Variants in LPP observed in about 807,000 individuals in gnomAD.
LPP encodes the protein LIM domain containing preferred translocation partner in lipoma, also known as lipoma-preferred partner.
In LPP, 38 loss-of-function variants were observed where a neutral mutation model predicts 60.4. That is an observed-to-expected ratio of 0.63 (90% confidence interval 0.49 to 0.83). The LOEUF is 0.83. Among genes scored for constraint, LPP ranks in the 40% least tolerant of loss-of-function variants. The pLI is 0.00. For synonymous variants in LPP, 328 were observed against 290.8 expected, an observed-to-expected ratio of 1.13 and a Z score of -1.30; for missense variants, 902 against 783.6, an observed-to-expected ratio of 1.15 and a Z score of -1.80.
At chr3:188,639,166 T>A (rs1421816265) in intron 7 of LPP, among the ~76,000 whole-genome samples, 3 of 151,956 alleles carry the variant, frequency 2.0e-5, no homozygotes, top group Admixed American at 1.3e-4. Context: ...ACCAAAACAG[T>A]GATATAGATC....
chr3:188,815,805 G>A (rs1370469295), intron 9 of LPP, among the ~76,000 whole-genome samples: 2 of 152,058 alleles, frequency 1.3e-5, no homozygotes, highest in Non-Finnish European at 2.9e-5. Context: ...TGTTTCTTTG[G>A]CAACTGTTCA....
At chr3:188,324,290 C>T (rs1225470650) in intron 2 of LPP, among the ~76,000 whole-genome samples, 1 of 152,166 alleles carries the variant, frequency 6.6e-6, no homozygotes, top group East Asian at 1.9e-4. Context: ...TTTGCCACAT[C>T]TCTTGAATGT....
intron 7 of LPP, among the ~76,000 whole-genome samples, chr3:188,689,553 A>G (rs562531528): frequency 6.6e-6 from 1 of 152,292 alleles, no homozygotes; most frequent in East Asian, 1.9e-4. Flanking sequence ...GAGTGAGATC[A>G]TGCAATATTT....
intron 4 of LPP, among the ~76,000 whole-genome samples, chr3:188,422,076 G>A (rs1787959050): frequency 6.6e-6 from 1 of 152,142 alleles, no homozygotes; most frequent in Admixed American, 6.6e-5. Flanking sequence ...CATGGGGCTA[G>A]TACCAGCTTT....
chr3:188,276,576 G>A (rs1419486458), intron 2 of LPP, among the ~76,000 whole-genome samples: 2 of 152,044 alleles, frequency 1.3e-5, no homozygotes, highest in Non-Finnish European at 2.9e-5. Context: ...TGTTGGGGCG[G>A]ATCCCTCATG....
At chr3:188,798,872 T>A (rs1379088566) in intron 9 of LPP, among the ~76,000 whole-genome samples, 1 of 152,268 alleles carries the variant, frequency 6.6e-6, no homozygotes, top group Non-Finnish European at 1.5e-5. Context: ...CTTTATGAAC[T>A]CTGTCACTTG....
At chr3:188,164,905 G>A (rs1424733957) in intron 1 of LPP, among the ~76,000 whole-genome samples, 1 of 152,090 alleles carries the variant, frequency 6.6e-6, no homozygotes, top group Non-Finnish European at 1.5e-5. Context: ...CGATGGAAAC[G>A]TGAATGCAGT....
chr3:188,497,354 C>G (rs1407690305), intron 5 of LPP, among the ~76,000 whole-genome samples: 3 of 152,106 alleles, frequency 2.0e-5, no homozygotes, highest in Non-Finnish European at 2.9e-5. Context: ...ACATTCATAG[C>G]ATTTCTAAAC....
chr3:188,556,733 A>C (rs1829561044), intron 6 of LPP, among the ~76,000 whole-genome samples: 1 of 151,830 alleles, frequency 6.6e-6, no homozygotes, highest in Non-Finnish European at 1.5e-5. Context: ...TTCATATCTT[A>C]GAACCTTATG....
At chr3:188,387,180 C>T (rs1405185082) in intron 3 of LPP, among the ~76,000 whole-genome samples, 1 of 151,988 alleles carries the variant, frequency 6.6e-6, no homozygotes, top group African/African-American at 2.4e-5. Flanking sequence ...CTATCAAGTT[C>T]AGAACATGTA....
At chr3:188,446,909 T>C (rs1795360257) in intron 4 of LPP, among the ~76,000 whole-genome samples, 1 of 152,242 alleles carries the variant, frequency 6.6e-6, no homozygotes, top group African/African-American at 2.4e-5. Context: ...CTCATTTTTG[T>C]AGTTGCTTTC....
intron 3 of LPP, among the ~76,000 whole-genome samples, chr3:188,361,579 T>TCC (rs1769411240): frequency 7.8e-6 from 1 of 128,788 alleles, no homozygotes; most frequent in East Asian, 2.9e-4. Context: ...CTCCTTTCAT[T>TCC]TTTCCTTTCC....
intron 7 of LPP, among the ~76,000 whole-genome samples, chr3:188,613,304 CTATATCTATATA>C (rs999900271): frequency 6.8e-6 from 1 of 147,240 alleles, no homozygotes; most frequent in African/African-American, 2.6e-5. Context: ...ATATCTATAT[CTATATCTATATA>C]TATCGCTGTG....
At chr3:188,632,065 A>T (rs1560673610) in intron 7 of LPP, among the ~76,000 whole-genome samples, 1 of 152,148 alleles carries the variant, frequency 6.6e-6, no homozygotes, top group African/African-American at 2.4e-5. Context: ...TCGTCAAAGC[A>T]TGTTTATTTA....
At chr3:188,686,554 C>A (rs1860777229) in intron 7 of LPP, among the ~76,000 whole-genome samples, 1 of 152,196 alleles carries the variant, frequency 6.6e-6, no homozygotes, top group Non-Finnish European at 1.5e-5. Context: ...TCTTACGTTG[C>A]CCATCAGAAT....
chr3:188,159,063 G>A (rs1181340291), intron 1 of LPP, among the ~76,000 whole-genome samples: 6 of 152,168 alleles, frequency 3.9e-5, no homozygotes, highest in Admixed American at 6.5e-5. Context: ...TTTCAACAGA[G>A]CTCGCTTCCC....
At chr3:188,616,801 A>G (rs2151491436) in intron 7 of LPP, among the ~76,000 whole-genome samples, 2 of 152,264 alleles carry the variant, frequency 1.3e-5, no homozygotes, top group South Asian at 4.1e-4. Flanking sequence ...ATAGTTTTGC[A>G]TATATTTTGG....
intron 1 of LPP, among the ~76,000 whole-genome samples, chr3:188,221,741 T>G (rs548648103): frequency 5.9e-5 from 9 of 152,164 alleles, no homozygotes; most frequent in Admixed American, 1.3e-4. Flanking sequence ...AATAGCAAGG[T>G]AGAATTCAGG....
At chr3:188,377,784 G>A (rs1433401321) in intron 3 of LPP, among the ~76,000 whole-genome samples, 1 of 152,118 alleles carries the variant, frequency 6.6e-6, no homozygotes, top group Non-Finnish European at 1.5e-5. Context: ...GTGGCGCTCT[G>A]ATTTTTAGAG....
Sources: allele counts gnomAD v4.1 joint callset (sites outside exome capture counted in the v4.1 genomes callset), GRCh38; gene constraint gnomAD v4.1.1; transcripts MANE v1.5; gene names NCBI Gene and HGNC (gene_info 2026-07-23, HGNC 2026-07-21).